The following DDX41 variants were observed in gnomAD, a reference collection of about 807,000 sequenced individuals.
The protein encoded by DDX41 is probable ATP-dependent RNA helicase DDX41.
DDX41 carries 50 observed loss-of-function variants against 78.8 expected under a neutral mutation model. The ratio of observed to expected loss-of-function variants is 0.63; its 90% CI spans 0.51 to 0.80. The LOEUF (loss-of-function observed/expected upper bound fraction) is 0.80. Among genes scored for constraint, DDX41 ranks in the 30% least tolerant of loss-of-function variants. DDX41 has a pLI of 0.00. For missense variants in DDX41, 633 were observed against 849.2 expected, an observed-to-expected ratio of 0.75 and a Z score of 3.16; for synonymous variants, 381 against 321.5, an observed-to-expected ratio of 1.19 and a Z score of -1.98.
rs954778002 is a variant in DDX41, at chr5:177,511,650, G to A, written c.*141C>T. ...AAACAGTAATTCTGAAGAGCACAGG[G>A]AACAGGCAGCCAGGACCAGCCTGGC... On this transcript the variant is annotated 3_prime_UTR_variant, in exon 17 of 17. Transcript: ENST00000330503. 19 of 1,146,820 alleles carry A rather than the reference G, an allele frequency of 1.7e-5. No homozygotes were observed. In the Admixed American group the frequency reaches 2.2e-4, roughly 13 times the overall value. 71.0% of individuals were successfully genotyped at this position (1,146,820 alleles called of 1,614,324 possible). A position where few individuals can be genotyped will look rare whatever the true frequency, so the allele number is the denominator to read the frequency against.
At chr5:177,515,368 C>A in intron 6 of DDX41, 110 bp from the exon 7 acceptor site, 1 of 1,111,730 alleles carries the variant, frequency 9.0e-7, no homozygotes, top group South Asian at 1.3e-5. Context: ...GAAACTGAGG[C>A]TCAGAGAGAG....
Position 177,515,705 on chromosome 5 carries a change from T to C in DDX41, c.551A>G (p.Lys184Arg), listed in dbSNP as rs765561953. Residue 184 changes from lysine to arginine, a missense_variant, in exon 6 of 17, where the codon AAG (lysine) becomes AGG (arginine). Lys to Arg is a conservative substitution (Grantham distance 26). Coordinates refer to ENST00000330503, the MANE Select transcript of DDX41 (RefSeq NM_016222.4). Reference sequence around the variant, plus strand: ...ACTACCTGCAGGAAACTTCATTTCCTTGAAGCTCTTGATGGGTGGTGGGAT... The same window carrying C: ...ACTACCTGCAGGAAACTTCATTTCCCTGAAGCTCTTGATGGGTGGTGGGAT... ...DGIPPPIKSF[K>R]EMKFPAAILR... 1.1e-5 allele frequency: 17 copies of C among 1,614,006 alleles called. No individual in the cohort carries two copies. The highest frequency in any genetic ancestry group is 4.4e-5 in the South Asian group (4 of 91,080).
In DDX41 at chr5:177,512,619, C is replaced by T; in HGVS notation, c.1426G>A (p.Glu476Lys). 2 of 1,614,120 alleles carry T rather than the reference C, an allele frequency of 1.2e-6. No individual in the cohort carries two copies. Among genetic ancestry groups the T allele is most frequent in the Non-Finnish European group, 1.7e-6 (2 of 1,180,030 alleles). ...KDQEERTKAI[E>K]AFREGKKDVL... ...TCCTTCTTGCCCTCCCGGAATGCCT[C>T]GATGGCCTTAGTCCGTTCCTCCTGG... The change falls in exon 14 of 17, where the codon GAG becomes AAG. Residue 476 changes from glutamate (E) to lysine (K), a missense_variant. Physicochemically the swap from Glu to Lys is moderately conservative, Grantham distance 56. Coordinates refer to ENST00000330503, the MANE Select transcript of DDX41 (RefSeq NM_016222.4).
Position 177,515,078 on chromosome 5 carries a change from AGAGGATGACCC to A in DDX41, c.645-20_645-10del. ...TGTCACGGCCAGATAGACTGTTGGG[AGAGGATGACCC>A]GAGGGCCAATTTCAACAGAAGATGA... On this transcript the variant is annotated splice_polypyrimidine_tract_variant and intron_variant, in intron 7 of 16. Coordinates refer to ENST00000330503, the MANE Select transcript of DDX41 (RefSeq NM_016222.4). 6.2e-7 allele frequency: 1 copy of A among 1,611,944 alleles called. No homozygotes were observed.
In DDX41 at chr5:177,514,601, C is replaced by G. The variant is rs1761134350; in HGVS notation, c.935+100G>C. ...CTTGAGGGTCGCACTCACAGCAGCCCTCTGTGAAGATCTGTGGAGTGGCTA... is the reference window on the plus strand; with the variant it reads ...CTTGAGGGTCGCACTCACAGCAGCCGTCTGTGAAGATCTGTGGAGTGGCTA... On this transcript the variant is annotated intron_variant, in intron 9 of 16. Transcript: ENST00000330503. The surrounding 1 kb of genome is among the most constrained non-coding windows in gnomAD (Gnocchi z 4.2). 6.8e-7 allele frequency: 1 copy of G among 1,473,692 alleles called. No individual in the cohort carries two copies. Among genetic ancestry groups the G allele is most frequent in the Non-Finnish European group, 9.1e-7 (1 of 1,097,192 alleles). The allele number at this position is 1,473,692 out of a possible 1,614,324, so 91.3% of individuals were successfully genotyped here. A position where few individuals can be genotyped will look rare whatever the true frequency, so the allele number is the denominator to read the frequency against.
At position 177,513,879 on chromosome 5, in the gene DDX41, G is replaced by A. The variant is rs2127436637; in HGVS notation, c.936-32C>T. ...ACCAAGGAGAGACCCTGAGGTTGGGGCCACTGGCCTATCACCTATCTAGAG... is the reference window on the plus strand; with the variant it reads ...ACCAAGGAGAGACCCTGAGGTTGGGACCACTGGCCTATCACCTATCTAGAG... On this transcript the variant is annotated intron_variant, in intron 9 of 16. Transcript: ENST00000330503. The surrounding 1 kb of genome is among the most constrained non-coding windows in gnomAD (Gnocchi z 4.6). 3 of 1,609,794 alleles carry A rather than the reference G, an allele frequency of 1.9e-6. No homozygotes were observed. The highest frequency in any genetic ancestry group is 1.1e-5 in the South Asian group (1 of 90,958).
intron 16 of DDX41, 25 bp from the exon 17 acceptor site, chr5:177,511,952 G>T (rs1484558437): frequency 6.2e-7 from 1 of 1,612,572 alleles, no homozygotes; most frequent in Admixed American, 1.7e-5. Flanking sequence ...ACAGGGGTCA[G>T]CCAAGTCAAG....
chr5:177,512,893 A>C lies in DDX41; in HGVS notation c.1303-17T>G, dbSNP rs778287528. The C allele has an allele frequency of 2.0e-5, 33 of 1,612,550 alleles. No individual in the cohort carries two copies. The highest frequency in any genetic ancestry group is 2.5e-5 in the Non-Finnish European group (30 of 1,179,418). On this transcript the variant is annotated splice_polypyrimidine_tract_variant and intron_variant, in intron 12 of 16. Coordinates refer to ENST00000330503, the MANE Select transcript of DDX41 (RefSeq NM_016222.4). Reference sequence around the variant, plus strand: ...GATGAGTACCTGTCCGGAAAGACCAACTCCAGTCAGGGGCTAACTGCCTGG... The same window carrying C: ...GATGAGTACCTGTCCGGAAAGACCACCTCCAGTCAGGGGCTAACTGCCTGG...
chr5:177,515,749 G>A lies in DDX41; in HGVS notation c.507C>T (p.Ile169=), dbSNP rs747529460. Residue 169 remains isoleucine, a synonymous_variant, in exon 6 of 17, where the codon ATC becomes ATT. Coordinates refer to ENST00000330503, the MANE Select transcript of DDX41 (RefSeq NM_016222.4). ...RHERVRKKYH[I]LVEGDGIPPP... is the part of the protein sequence containing the mutation. The stretch of plus-strand genomic sequence containing the variant: ...GTGGGATACCGTCTCCCTCCACCAG[G>A]ATGTGGTATTTCTTCCGCACGCGCT... 4.2e-5 allele frequency: 68 copies of A among 1,614,138 alleles called. No homozygotes were observed. Among genetic ancestry groups the A allele is most frequent in the Non-Finnish European group, 5.7e-5 (67 of 1,180,024 alleles).
intron 2 of DDX41, 128 bp downstream of exon 2, chr5:177,516,597 G>T (rs746402524): frequency 9.1e-5 from 126 of 1,381,140 alleles, no homozygotes; most frequent in Non-Finnish European, 9.6e-5. Context: ...GTTTGTCTGG[G>T]GGCCGCGCCC....
In DDX41 at chr5:177,515,939, T is replaced by A; in HGVS notation, c.424A>T (p.Ile142Phe). The A allele has an allele frequency of 6.2e-7, 1 of 1,614,154 alleles. No individual in the cohort carries two copies. Among genetic ancestry groups the A allele is most frequent in the Non-Finnish European group, 8.5e-7 (1 of 1,180,012 alleles). ...MAKGITYDDP[I>F]KTSWTPPRYV... The stretch of plus-strand genomic sequence containing the variant: ...ACTGTACAGACATACCTGGTTTTGA[T>A]GGGGTCATCATACGTAATGCCCTTA... The change falls in exon 5 of 17, where the codon ATC (isoleucine) becomes TTC (phenylalanine). Residue 142 changes from isoleucine to phenylalanine, a missense_variant. By Grantham distance (21) the Ile-to-Phe change is conservative. Transcript: ENST00000330503.
chr5:177,515,132 C>T, intron 7 of DDX41, 54 bp downstream of exon 7: 1 of 1,613,670 alleles, frequency 6.2e-7, no homozygotes, highest in South Asian at 1.1e-5. Context: ...CTAGCCATTG[C>T]TCCTCCCTGT....
rs1047826164 is a variant in DDX41, at chr5:177,513,573, C to T, written c.1099-89G>A. The T allele has an allele frequency of 4.4e-6, 7 of 1,607,422 alleles. No homozygotes were observed. The Admixed American group carries it at 6.7e-5, about 15-fold the overall frequency. On this transcript the variant is annotated intron_variant, in intron 10 of 16. Transcript: ENST00000330503. The surrounding 1 kb of genome is among the most constrained non-coding windows in gnomAD (Gnocchi z 4.6). ...GGAAGCTGAGCAACTGAGACACAGC[C>T]CACAAAGTATGAGCAGTGGGTTGGG...
rs747672157 is a variant in DDX41 at position 177,513,478 on chromosome 5, G to C, written c.1105C>G (p.Arg369Gly). 4.3e-6 allele frequency: 7 copies of C among 1,614,142 alleles called. No individual in the cohort carries two copies. The highest frequency in any genetic ancestry group is 5.9e-6 in the Non-Finnish European group (7 of 1,180,036). Reference protein sequence around the residue: ...RTIFSYFKGQRQTLLFSATMP... With the variant: ...RTIFSYFKGQGQTLLFSATMP... ...GTGGCACTGAAGAGCAGGGTCTGTC[G>C]CTGGCCCTGAGGAAGAGGGGGGCTG... Residue 369 changes from arginine (R) to glycine (G), a missense_variant, in exon 11 of 17, where the codon CGA (arginine) becomes GGA (glycine). Coordinates refer to ENST00000330503, the MANE Select transcript of DDX41 (RefSeq NM_016222.4). The surrounding 1 kb of genome is among the most constrained non-coding windows in gnomAD (Gnocchi z 4.6).
At chr5:177,516,069 G>T in intron 4 of DDX41, 50 bp downstream of exon 4, 1 of 1,613,794 alleles carries the variant, frequency 6.2e-7, no homozygotes, top group South Asian at 1.1e-5. Flanking sequence ...GCCTGGGGCT[G>T]GGAGGAGAAG....
Position 177,512,784 on chromosome 5 carries a change from G to A in DDX41, c.1395C>T (p.Gly465=), listed in dbSNP as rs766760626. ...KGVEAVAIHG[G]KDQEERTKAI... ...CAGTGCTTGCACCACCCTGACCTTT[G>A]CCCCCATGGATGGCTACGGCCTCAA... Residue 465 remains glycine (G), a synonymous_variant, in exon 13 of 17, where the codon GGC becomes GGT. Transcript: ENST00000330503. 33 of 1,613,970 alleles carry A rather than the reference G, an allele frequency of 2.0e-5. No individual in the cohort carries two copies. The highest frequency in any genetic ancestry group is 2.8e-5 in the Non-Finnish European group (33 of 1,180,014).
Position 177,515,537 on chromosome 5 carries a change from A to G in DDX41, c.571+148T>C, listed in dbSNP as rs1185898176. ...AATGAACACGTACAGCTGAGGCAAC[A>G]AGGAACCTAAAGAAACTCCTCCTCA... On this transcript the variant is annotated intron_variant, in intron 6 of 16. Transcript: ENST00000330503. The G allele has an allele frequency of 3.8e-6, 4 of 1,046,288 alleles. No homozygotes were observed. In the African/African-American group the frequency reaches 4.8e-5, roughly 13 times the overall value. 64.8% of individuals were successfully genotyped at this position (1,046,288 alleles called of 1,614,324 possible).
chr5:177,515,381 A>G (rs1365008621), intron 6 of DDX41, 123 bp from the exon 7 acceptor site: 2 of 1,024,016 alleles, frequency 2.0e-6, no homozygotes, highest in Middle Eastern at 4.1e-4. Context: ...AGAGAGAGAG[A>G]GAGAGAGTGG....
chr5:177,514,749 AG>A lies in DDX41; in HGVS notation c.886del (p.Leu296SerfsTer8). The A allele has an allele frequency of 6.2e-7, 1 of 1,612,730 alleles. No individual in the cohort carries two copies. The highest frequency in any genetic ancestry group is 8.5e-7 in the Non-Finnish European group (1 of 1,179,836). On this transcript the variant is annotated frameshift_variant, in exon 9 of 17. Coordinates refer to ENST00000330503, the MANE Select transcript of DDX41 (RefSeq NM_016222.4). LOFTEE classifies it high-confidence loss of function. The surrounding 1 kb of genome is among the most constrained non-coding windows in gnomAD (Gnocchi z 4.2). ...TTTCACGGACATGCCCCCAATGCAG[AG>A]GGCGCAGCGCAGGAGTGGTGAGCTG... ...EDSSPLLRCA[L>X]CIGGMSVKEQ...
Sources: allele counts gnomAD v4.1 joint callset, GRCh38; gene constraint gnomAD v4.1.1; non-coding constraint Gnocchi (gnomAD v3.1); transcripts MANE v1.5; gene names NCBI Gene and HGNC (gene_info 2026-07-23, HGNC 2026-07-21).